Variants in RAPGEF2 observed in about 807,000 individuals in gnomAD.
The protein encoded by RAPGEF2 is PDZ domain containing guanine nucleotide exchange factor (GEF) 1.
A neutral mutation model predicts 186.7 loss-of-function variants in RAPGEF2; 54 were observed. The ratio of observed to expected loss-of-function variants is 0.29; its 90% CI spans 0.23 to 0.36. The LOEUF is 0.36. Ranked by LOEUF, RAPGEF2 falls within the 10% of genes least tolerant of loss-of-function variation. RAPGEF2 has a pLI of 1.00. For synonymous variants in RAPGEF2, 712 were observed against 705.9 expected, an observed-to-expected ratio of 1.01 and a Z score of -0.14; for missense variants, 1,532 against 2,045.0, an observed-to-expected ratio of 0.75 and a Z score of 4.84.
rs140398457 is a variant in RAPGEF2, at chr4:159,138,822, A to C, written c.69+34591A>C. Among the ~76,000 whole-genome samples the C allele has an allele frequency of 2.8e-3, 420 of 152,320 alleles. 2 individuals are homozygous for C. Among genetic ancestry groups the C allele is most frequent in the African/African-American group, 9.5e-3 (397 of 41,576 alleles). The stretch of plus-strand genomic sequence containing the variant: ...TCTTCTCTGACACCATTTGAACCAA[A>C]AATTACAGAGCAAGGATACCAATCA... On this transcript the variant is annotated intron_variant, in intron 1 of 29. Transcript: ENST00000691494.
intron 1 of RAPGEF2, among the ~76,000 whole-genome samples, chr4:159,132,883 T>G (rs912800999): frequency 7.2e-6 from 1 of 139,594 alleles, no homozygotes; most frequent in Admixed American, 7.1e-5. Context: ...ATATACTTAG[T>G]TTTTTTTTTT....
chr4:159,196,670 T>C (rs1237186577), intron 3 of RAPGEF2, among the ~76,000 whole-genome samples: 1 of 152,258 alleles, frequency 6.6e-6, no homozygotes, highest in Non-Finnish European at 1.5e-5. Context: ...ATGTTCAGAA[T>C]AAGTACATAA....
At chr4:159,350,032 G>A (rs1730943294) in intron 25 of RAPGEF2, 105 bp from the exon 26 acceptor site, 1 of 670,570 alleles carries the variant, frequency 1.5e-6, no homozygotes. Flanking sequence ...TTGAACCTCA[G>A]TGTAATGATA....
Position 159,352,914 on chromosome 4 carries a change from G to A in RAPGEF2, c.4091+4G>A, listed in dbSNP as rs746964400. On this transcript the variant is annotated splice_donor_region_variant and intron_variant, in intron 27 of 29. Transcript: ENST00000691494. ...AACCTGATCAGTATAGCTTGGGGTA[G>A]GTGGCTCTTTTTAATATTCTTCTGA... is the stretch of plus-strand genomic sequence containing the variant. 3 of 1,605,370 alleles carry A rather than the reference G, an allele frequency of 1.9e-6. No homozygotes were observed. Among genetic ancestry groups the A allele is most frequent in the Non-Finnish European group, 2.6e-6 (3 of 1,174,110 alleles).
intron 1 of RAPGEF2, among the ~76,000 whole-genome samples, chr4:159,113,141 G>T (rs1738676472): frequency 6.6e-6 from 1 of 152,134 alleles, no homozygotes; most frequent in South Asian, 2.1e-4. Flanking sequence ...CCACACATTG[G>T]AAGAAACTAA....
chr4:159,165,553 A>C (rs1413153944), intron 1 of RAPGEF2, among the ~76,000 whole-genome samples: 1 of 152,226 alleles, frequency 6.6e-6, no homozygotes, highest in African/African-American at 2.4e-5. Flanking sequence ...ATCAGGTTGA[A>C]TATAAGAGCA....
chr4:159,151,440 A>G (rs918570760), intron 1 of RAPGEF2, among the ~76,000 whole-genome samples: 4 of 152,142 alleles, frequency 2.6e-5, no homozygotes, highest in Non-Finnish European at 5.9e-5. Flanking sequence ...TTTGTTTTTG[A>G]GATTGTCAAG....
chr4:159,318,764 T>A (rs1168460257), intron 9 of RAPGEF2, among the ~76,000 whole-genome samples: 1 of 152,148 alleles, frequency 6.6e-6, no homozygotes. Flanking sequence ...TTAAAAAAAA[T>A]TAATAAAACA....
chr4:159,346,555 T>C (rs1730335545), intron 24 of RAPGEF2, among the ~76,000 whole-genome samples: 1 of 152,218 alleles, frequency 6.6e-6, no homozygotes, highest in African/African-American at 2.4e-5. Context: ...AATCATCTTT[T>C]GAGATTGCTG....
At chr4:159,148,849 T>G (rs1466563531) in intron 1 of RAPGEF2, among the ~76,000 whole-genome samples, 1 of 152,274 alleles carries the variant, frequency 6.6e-6, no homozygotes. Flanking sequence ...AATTTCTTTT[T>G]GTAGTCTATT....
chr4:159,269,224 G>A (rs1367463574), intron 7 of RAPGEF2, among the ~76,000 whole-genome samples: 1 of 152,102 alleles, frequency 6.6e-6, no homozygotes, highest in African/African-American at 2.4e-5. Context: ...TTCATTGTTA[G>A]GAACAAAATT....
chr4:159,193,070 C>T, intron 2 of RAPGEF2, 130 bp from the exon 3 acceptor site: 2 of 421,158 alleles, frequency 4.7e-6, no homozygotes, highest in Non-Finnish European at 8.1e-6. Context: ...CATCTTGAGG[C>T]TAATAAATGA....
chr4:159,237,652 G>GT (rs1385631679), intron 4 of RAPGEF2, among the ~76,000 whole-genome samples: 2 of 151,826 alleles, frequency 1.3e-5, no homozygotes, highest in Non-Finnish European at 2.9e-5. Context: ...CAATGAAATA[G>GT]TTTTTTGGTA....
rs375057914 is a variant in RAPGEF2, at chr4:159,338,392, C to G, written c.2217C>G (p.Val739=). ...QTKHIPTALP[V]SGTLSSSNPD... ...AGCACATCCCAACTGCATTGCCTGT[C>G]AGTGGAACCTTATCATCCAGTAATC... The change falls in exon 18 of 30, where the codon GTC becomes GTG. Residue 739 remains valine, a synonymous_variant. Transcript: ENST00000691494. 7 of 1,614,086 alleles carry G rather than the reference C, an allele frequency of 4.3e-6. No individual in the cohort carries two copies. In the South Asian group the frequency reaches 7.7e-5, roughly 18 times the overall value.
chr4:159,239,634 C>G (rs973242592), intron 5 of RAPGEF2, among the ~76,000 whole-genome samples: 1 of 152,104 alleles, frequency 6.6e-6, no homozygotes, highest in Non-Finnish European at 1.5e-5. Flanking sequence ...ATACTTTTTA[C>G]TTACTGTATA....
intron 7 of RAPGEF2, among the ~76,000 whole-genome samples, chr4:159,295,195 C>T (rs1325280405): frequency 6.6e-6 from 1 of 152,104 alleles, no homozygotes; most frequent in Non-Finnish European, 1.5e-5. Flanking sequence ...TGAAATACTA[C>T]CCAGAGCATG....
intron 4 of RAPGEF2, among the ~76,000 whole-genome samples, chr4:159,236,173 C>T (rs2111456137): frequency 1.3e-5 from 2 of 152,288 alleles, no homozygotes; most frequent in South Asian, 4.1e-4. Flanking sequence ...CTGTTCACAT[C>T]TTTGTGACGG....
rs759039863 is a variant in RAPGEF2 at position 159,330,490 on chromosome 4, A to C, written c.1459A>C (p.Arg487=). The part of the protein sequence containing the change: ...LLEWFNDPSL[R]DKVTRVVLLW... Reference sequence around the variant, plus strand: ...GGAGTGGTTTAATGACCCGAGCCTCAGGGATAAGGTTGGAAATATATTCTA... The same window carrying C: ...GGAGTGGTTTAATGACCCGAGCCTCCGGGATAAGGTTGGAAATATATTCTA... The change falls in exon 13 of 30, where the codon AGG becomes CGG. Residue 487 remains arginine (R), a synonymous_variant. Transcript: ENST00000691494. 2 of 1,600,320 alleles carry C rather than the reference A, an allele frequency of 1.2e-6. No homozygotes were observed. Among genetic ancestry groups the C allele is most frequent in the East Asian group, 4.5e-5 (2 of 44,534 alleles).
At chr4:159,196,346 T>C (rs561504437) in intron 3 of RAPGEF2, among the ~76,000 whole-genome samples, 1 of 152,336 alleles carries the variant, frequency 6.6e-6, no homozygotes, top group South Asian at 2.1e-4. Flanking sequence ...TATTACCTTT[T>C]GGGGAAATGA....
Sources: gnomAD v4.1 joint callset for allele counts (sites outside exome capture counted in the v4.1 genomes callset) on GRCh38, gnomAD v4.1.1 for gene constraint, MANE v1.5 for transcripts, NCBI Gene and HGNC (gene_info 2026-07-23, HGNC 2026-07-21) for gene names.